The following GALNT2 variants were observed in gnomAD, a reference collection of about 807,000 sequenced individuals.
GALNT2 encodes UDP-GalNAc:polypeptide N-acetylgalactosaminyltransferase 2.
Under a neutral mutation model 81.4 loss-of-function variants are expected in GALNT2, and 31 were observed. That is an observed-to-expected ratio of 0.38 (90% CI 0.29 to 0.51). GALNT2 has a LOEUF of 0.51. Among genes scored for constraint, GALNT2 ranks in the 20% least tolerant of loss-of-function variants. The pLI, the probability that GALNT2 is intolerant of heterozygous loss-of-function variation, is 0.87. For synonymous variants in GALNT2, 303 were observed against 287.4 expected (o/e 1.05, Z -0.55); for missense variants, 629 against 765.7 (o/e 0.82, Z 2.11).
intron 3 of GALNT2, among the ~76,000 whole-genome samples, chr1:230,235,064 A>T (rs1381146694): frequency 6.6e-6 from 1 of 151,988 alleles, no homozygotes; most frequent in Non-Finnish European, 1.5e-5. Flanking sequence ...AAAATAAAAA[A>T]AAATAGCTGG....
chr1:230,148,787 CT>C (rs1662003191), intron 1 of GALNT2, among the ~76,000 whole-genome samples: 1 of 151,818 alleles, frequency 6.6e-6, no homozygotes, highest in Non-Finnish European at 1.5e-5. Context: ...GGGTTTCGCT[CT>C]ATTGCCCAGG....
intron 1 of GALNT2, among the ~76,000 whole-genome samples, chr1:230,174,298 T>C (rs1461113812): frequency 6.6e-6 from 1 of 152,164 alleles, no homozygotes; most frequent in South Asian, 2.1e-4. Context: ...CCCTGCAGCA[T>C]TGGCCTCTCC....
intron 1 of GALNT2, among the ~76,000 whole-genome samples, chr1:230,087,651 C>T (rs78544059): frequency 0.017 from 2,621 of 152,276 alleles, 74 homozygotes; most frequent in African/African-American, 0.058. Flanking sequence ...ATGACTCTCA[C>T]GCAGTCAGGT....
intron 1 of GALNT2, among the ~76,000 whole-genome samples, chr1:230,139,134 G>T (rs886915135): frequency 2.6e-5 from 4 of 152,190 alleles, no homozygotes; most frequent in African/African-American, 9.7e-5. Context: ...TTTTCTAGCT[G>T]CTACTTCCTG....
chr1:230,141,776 TC>T (rs1661743272), intron 1 of GALNT2, among the ~76,000 whole-genome samples: 1 of 144,630 alleles, frequency 6.9e-6, no homozygotes, highest in Non-Finnish European at 1.5e-5. Context: ...GACCCCGCTT[TC>T]TTTTGTTTTC....
intron 1 of GALNT2, among the ~76,000 whole-genome samples, chr1:230,133,059 T>C (rs1195292473): frequency 2.0e-5 from 3 of 152,238 alleles, no homozygotes; most frequent in Non-Finnish European, 4.4e-5. Context: ...TGTTGCAGTT[T>C]GGTTTTTTTC....
chr1:230,138,001 T>A, intron 1 of GALNT2, among the ~76,000 whole-genome samples: 1 of 152,160 alleles, frequency 6.6e-6, no homozygotes, highest in East Asian at 1.9e-4. Flanking sequence ...TTTACCTTTT[T>A]CTCCTTGGAA....
At position 230,279,547 on chromosome 1, in the gene GALNT2, C is replaced by T. The variant is rs2273967; in HGVS notation, c.*89C>T. 371,331 of 1,466,842 alleles carry T rather than the reference C, an allele frequency of 0.25. 47,932 individuals carry two copies. The highest frequency in any genetic ancestry group is 0.37 in the South Asian group (28,273 of 75,978). 90.9% of individuals were successfully genotyped at this position (1,466,842 alleles called of 1,614,324 possible). ...TATTGATTATGTTTCTTAAACTTTC[C>T]GCGAAACTAATATACCTCAGTATTC... is the stretch of plus-strand genomic sequence containing the variant. On this transcript the variant is annotated 3_prime_UTR_variant, in exon 16 of 16. Transcript: ENST00000366672. The surrounding 1 kb of genome is among the most constrained non-coding windows in gnomAD (Gnocchi z 4.6).
chr1:230,075,922 C>T (rs1338879285), intron 1 of GALNT2, among the ~76,000 whole-genome samples: 1 of 152,132 alleles, frequency 6.6e-6, no homozygotes, highest in Non-Finnish European at 1.5e-5. Context: ...GTTTCATCTT[C>T]GTCCAGCCTC....
chr1:230,246,590 G>A (rs926638145), intron 8 of GALNT2, among the ~76,000 whole-genome samples: 2 of 152,166 alleles, frequency 1.3e-5, no homozygotes, highest in African/African-American at 4.8e-5. Context: ...TGGTTGCTCA[G>A]ATGGAGACCT....
chr1:230,082,367 A>G (rs1385595887), intron 1 of GALNT2, among the ~76,000 whole-genome samples: 2 of 152,196 alleles, frequency 1.3e-5, no homozygotes, highest in East Asian at 3.8e-4. Flanking sequence ...AATGGACATG[A>G]TTGAGTGAGC....
chr1:230,207,271 G>A (rs1027883668), intron 3 of GALNT2, among the ~76,000 whole-genome samples: 2 of 152,050 alleles, frequency 1.3e-5, no homozygotes, highest in African/African-American at 4.8e-5. Flanking sequence ...TAAAGGTCCT[G>A]TGAACTCAAG....
chr1:230,058,184 C>T (rs1658961805), intron 1 of GALNT2: 1 of 450,156 alleles, frequency 2.2e-6, no homozygotes, highest in South Asian at 1.6e-5. Flanking sequence ...CACTGGCCTC[C>T]TCCTTCCTAG....
intron 1 of GALNT2, among the ~76,000 whole-genome samples, chr1:230,090,551 G>A (rs1437268721): frequency 6.6e-6 from 1 of 151,980 alleles, no homozygotes; most frequent in Non-Finnish European, 1.5e-5. Context: ...GGAAGGAGGG[G>A]TGGGGAGGGC....
At chr1:230,120,910 C>T (rs990380393) in intron 1 of GALNT2, among the ~76,000 whole-genome samples, 1 of 152,212 alleles carries the variant, frequency 6.6e-6, no homozygotes, top group African/African-American at 2.4e-5. Context: ...TTTTGATAGG[C>T]TGAGTGGCTT....
intron 1 of GALNT2, among the ~76,000 whole-genome samples, chr1:230,087,416 TC>T (rs1290981439): frequency 6.6e-6 from 1 of 152,254 alleles, no homozygotes; most frequent in Admixed American, 6.5e-5. Flanking sequence ...GTCCTCCACT[TC>T]CCCCATCTTA....
intron 1 of GALNT2, among the ~76,000 whole-genome samples, chr1:230,175,600 C>T (rs528989335): frequency 2.1e-5 from 2 of 95,280 alleles, no homozygotes. Context: ...GTCCCCTCCT[C>T]GTCCTCCTCC....
chr1:230,175,599 T>TCCTCCTCCTCCCCCTCCCTCTCC (rs1662948232), intron 1 of GALNT2, among the ~76,000 whole-genome samples: 3 of 46,948 alleles, frequency 6.4e-5, no homozygotes, highest in African/African-American at 3.9e-4. Context: ...CGTCCCCTCC[T>TCCTCCTCCTCCCCCTCCCTCTCC]CGTCCTCCTC....
chr1:230,134,112 GTTT>G (rs977480955), intron 1 of GALNT2, among the ~76,000 whole-genome samples: 1 of 120,894 alleles, frequency 8.3e-6, no homozygotes, highest in Non-Finnish European at 1.7e-5. Flanking sequence ...ACCTGAATCT[GTTT>G]TTTTTTTTTT....
Sources: gnomAD v4.1 joint callset for allele counts (sites outside exome capture counted in the v4.1 genomes callset) on GRCh38, gnomAD v4.1.1 for gene constraint, Gnocchi (gnomAD v3.1) non-coding constraint, MANE v1.5 for transcripts, NCBI Gene and HGNC (gene_info 2026-07-23, HGNC 2026-07-21) for gene names.